Variants in CCDC192 observed in about 807,000 individuals in gnomAD.
CCDC192 encodes the protein coiled-coil domain-containing protein 192.
intron 6 of CCDC192, among the ~76,000 whole-genome samples, chr5:127,906,528 G>A (rs538092277): frequency 3.0e-4 from 45 of 151,820 alleles, no homozygotes; most frequent in African/African-American, 1.1e-3. Context: ...GCTCACACCT[G>A]TAATCCTAGC....
intron 2 of CCDC192, among the ~76,000 whole-genome samples, chr5:127,724,244 T>G (rs1752184014): frequency 6.6e-6 from 1 of 152,206 alleles, no homozygotes; most frequent in Non-Finnish European, 1.5e-5. Flanking sequence ...AGGTCTTGCC[T>G]TAAATACCTA....
intron 6 of CCDC192, chr5:127,935,725 G>T (rs2126325918): frequency 6.6e-6 from 1 of 152,266 alleles, no homozygotes; most frequent in African/African-American, 2.4e-5. Context: ...ACAAAATTCA[G>T]ATTTTTAACT....
At chr5:127,864,130 AG>A (rs1561529419) in intron 5 of CCDC192, among the ~76,000 whole-genome samples, 2 of 152,224 alleles carry the variant, frequency 1.3e-5, no homozygotes. Flanking sequence ...AGAAAGTTTG[AG>A]TTCAAAACAT....
intron 6 of CCDC192, among the ~76,000 whole-genome samples, chr5:127,919,438 T>TC (rs1753643956): frequency 7.1e-6 from 1 of 141,546 alleles, no homozygotes; most frequent in African/African-American, 2.8e-5. Flanking sequence ...AAAAAAAACT[T>TC]CCAGAACCCA....
At chr5:127,913,754 C>G (rs939721522) in intron 6 of CCDC192, among the ~76,000 whole-genome samples, 1 of 152,220 alleles carries the variant, frequency 6.6e-6, no homozygotes. Context: ...TCAGATAAAA[C>G]CAGATGAACT....
intron 5 of CCDC192, among the ~76,000 whole-genome samples, chr5:127,832,847 G>T (rs1749864640): frequency 1.3e-5 from 2 of 152,100 alleles, no homozygotes; most frequent in Non-Finnish European, 2.9e-5. Flanking sequence ...TATGTTACAT[G>T]TGTCAGCAAG....
chr5:127,772,540 G>A (rs965045741), intron 3 of CCDC192, among the ~76,000 whole-genome samples: 1 of 151,310 alleles, frequency 6.6e-6, no homozygotes, highest in Non-Finnish European at 1.5e-5. Flanking sequence ...TTTGTTGGTT[G>A]TGTCATACTT....
chr5:127,742,849 G>A (rs10054323), intron 2 of CCDC192, among the ~76,000 whole-genome samples: 47,603 of 152,008 alleles, frequency 0.31, 8,290 homozygotes, highest in Middle Eastern at 0.41. Flanking sequence ...CTCTTTAAAA[G>A]TTTGCCTTGT....
intron 1 of CCDC192, among the ~76,000 whole-genome samples, chr5:127,707,005 C>G (rs1170488645): frequency 6.6e-6 from 1 of 152,114 alleles, no homozygotes; most frequent in African/African-American, 2.4e-5. Context: ...TAAGTCATGT[C>G]AAAAGCTGTT....
At position 127,818,893 on chromosome 5, in the gene CCDC192, A is replaced by G. The variant is rs201111154; in HGVS notation, c.411+20731A>G. The stretch of plus-strand genomic sequence containing the variant: ...CCATTGGAAGTTTCCTCAGAAACCA[A>G]CTTGAGTTGGCAATGCTGGGACTTT... On this transcript the variant is annotated intron_variant, in intron 5 of 6. Transcript: ENST00000514853. Among the ~76,000 whole-genome samples, 189 of 152,312 alleles carry G rather than the reference A, an allele frequency of 1.2e-3. 2 individuals are homozygous for G. The highest frequency in any genetic ancestry group is 3.8e-3 in the African/African-American group (159 of 41,554).
At chr5:127,923,415 C>T (rs966200305) in intron 6 of CCDC192, among the ~76,000 whole-genome samples, 44 of 150,602 alleles carry the variant, frequency 2.9e-4, no homozygotes, top group South Asian at 4.2e-4. Context: ...TCTCACTCTG[C>T]CTCCCAGGCT....
intron 2 of CCDC192, among the ~76,000 whole-genome samples, chr5:127,745,577 A>G (rs1753694451): frequency 6.6e-6 from 1 of 152,180 alleles, no homozygotes; most frequent in Non-Finnish European, 1.5e-5. Context: ...TATTTAGATA[A>G]TAACTTTATA....
intron 2 of CCDC192, among the ~76,000 whole-genome samples, chr5:127,732,362 T>C (rs1752689126): frequency 6.6e-6 from 1 of 152,146 alleles, no homozygotes; most frequent in South Asian, 2.1e-4. Context: ...GGCAATGCTA[T>C]GGAGAAAAAG....
chr5:127,762,034 C>A (rs919250321), intron 3 of CCDC192, among the ~76,000 whole-genome samples: 1 of 151,770 alleles, frequency 6.6e-6, no homozygotes, highest in African/African-American at 2.4e-5. Context: ...CTGATGCATA[C>A]TGAGATTATC....
intron 2 of CCDC192, among the ~76,000 whole-genome samples, chr5:127,726,100 TG>T (rs1752307348): frequency 6.6e-6 from 1 of 152,136 alleles, no homozygotes; most frequent in Admixed American, 6.5e-5. Flanking sequence ...TCTCACAATA[TG>T]TCTTAGCTTT....
intron 3 of CCDC192, among the ~76,000 whole-genome samples, chr5:127,757,767 TACACAC>T (rs60177261): frequency 1.8e-4 from 23 of 129,720 alleles, no homozygotes; most frequent in Admixed American, 3.8e-4. Flanking sequence ...AGACAAGGAT[TACACAC>T]ACACACACAC....
chr5:127,789,698 A>G (rs772678568), intron 3 of CCDC192, among the ~76,000 whole-genome samples: 1 of 152,272 alleles, frequency 6.6e-6, no homozygotes, highest in Admixed American at 6.5e-5. Context: ...GGGAAAATGA[A>G]GAAAGTTTCT....
intron 2 of CCDC192, among the ~76,000 whole-genome samples, chr5:127,744,610 A>G (rs969864218): frequency 6.6e-6 from 1 of 152,220 alleles, no homozygotes; most frequent in Non-Finnish European, 1.5e-5. Context: ...GCTCTTAAAT[A>G]AATGCACATG....
At chr5:127,934,698 C>A (rs2126322141) in intron 6 of CCDC192, among the ~76,000 whole-genome samples, 1 of 152,244 alleles carries the variant, frequency 6.6e-6, no homozygotes, top group African/African-American at 2.4e-5. Flanking sequence ...TAGCCATTTG[C>A]AAACGTTCAC....
Sources: gnomAD v4.1 joint callset for allele counts (sites outside exome capture counted in the v4.1 genomes callset) on GRCh38, gnomAD v4.1.1 for gene constraint, MANE v1.5 for transcripts, NCBI Gene and HGNC (gene_info 2026-07-23, HGNC 2026-07-21) for gene names.